The following ACER3 variants were observed in gnomAD, a reference collection of about 807,000 sequenced individuals.
The protein encoded by ACER3 is alkaline ceramidase 3.
ACER3 carries 16 observed loss-of-function variants against 48.9 expected under a neutral mutation model. The ratio of observed to expected loss-of-function variants is 0.33; its 90% confidence interval spans 0.22 to 0.50. The LOEUF (loss-of-function observed/expected upper bound fraction) is 0.50. ACER3 is among the 20% of genes least tolerant of loss of function. ACER3 has a pLI of 0.98. For missense variants in ACER3, 227 were observed against 326.0 expected (o/e 0.70, Z 2.34); for synonymous variants, 109 against 107.8 (o/e 1.01, Z -0.07).
chr11:77,020,588 T>C lies in ACER3; in HGVS notation c.*261T>C. On this transcript the variant is annotated 3_prime_UTR_variant, in exon 11 of 11. Transcript: ENST00000532485. ...AACAGAGATGATGTGTGTGTATGCC[T>C]CAAATGCAGAAACAGTTGGGCTTTT... 2.5e-6 allele frequency: 1 copy of C among 403,192 alleles called. No homozygotes were observed. The allele number at this position is 403,192 out of a possible 1,614,324, so 25.0% of individuals were successfully genotyped here. A position where few individuals can be genotyped will look rare whatever the true frequency, so the allele number is the denominator to read the frequency against.
chr11:76,893,274 G>A, intron 1 of ACER3, among the ~76,000 whole-genome samples: 1 of 152,160 alleles, frequency 6.6e-6, no homozygotes, highest in Middle Eastern at 3.2e-3. Flanking sequence ...GAAGGCTGAA[G>A]CAGGAGGATC....
chr11:77,013,941 T>A (rs138836085), intron 7 of ACER3, among the ~76,000 whole-genome samples: 136 of 152,232 alleles, frequency 8.9e-4, no homozygotes, highest in African/African-American at 3.0e-3. Context: ...AAGAATTATG[T>A]CAAATGAAAG....
chr11:76,940,361 G>A (rs1413735981), intron 2 of ACER3, among the ~76,000 whole-genome samples: 5 of 152,130 alleles, frequency 3.3e-5, no homozygotes, highest in African/African-American at 4.8e-5. Flanking sequence ...AGGTTGTATA[G>A]GAGTTCATTG....
intron 1 of ACER3, among the ~76,000 whole-genome samples, chr11:76,893,356 C>T (rs553178230): frequency 7.2e-5 from 11 of 152,168 alleles, no homozygotes; most frequent in African/African-American, 2.7e-4. Flanking sequence ...GGTGACCAAG[C>T]AAGACCCCAT....
At chr11:77,017,513 A>AAAAGAC (rs1204163366) in intron 9 of ACER3, among the ~76,000 whole-genome samples, 3 of 152,246 alleles carry the variant, frequency 2.0e-5, no homozygotes, top group African/African-American at 7.2e-5. Context: ...TTCATGGATT[A>AAAAGAC]AAAGACAAAG....
intron 1 of ACER3, among the ~76,000 whole-genome samples, chr11:76,924,973 C>A (rs867683720): frequency 2.7e-3 from 209 of 78,572 alleles, no homozygotes; most frequent in East Asian, 3.7e-3. Context: ...AAGACTCTGT[C>A]AAAAAAAAAA....
rs1949502822 is a variant in ACER3 at position 77,023,526 on chromosome 11, G to C, written c.*3199G>C. 4.3e-6 allele frequency: 1 copy of C among 232,780 alleles called. No individual in the cohort carries two copies. Among genetic ancestry groups the C allele is most frequent in the Non-Finnish European group, 8.2e-6 (1 of 121,916 alleles). The allele number at this position is 232,780 out of a possible 1,614,324, so 14.4% of individuals were successfully genotyped here. On this transcript the variant is annotated 3_prime_UTR_variant, in exon 11 of 11. Transcript: ENST00000532485. ...TATTTGTTGCTAAATTTGAGTTTTA[G>C]CTACCAACGCCATGTTTACGTGACA... is the stretch of plus-strand genomic sequence containing the variant.
intron 7 of ACER3, among the ~76,000 whole-genome samples, chr11:77,000,584 T>G (rs1301301189): frequency 6.6e-6 from 1 of 152,242 alleles, no homozygotes; most frequent in African/African-American, 2.4e-5. Flanking sequence ...CAGTTCATTT[T>G]GTATAAGGTG....
intron 3 of ACER3, among the ~76,000 whole-genome samples, chr11:76,968,894 A>C (rs570664593): frequency 1.3e-5 from 2 of 152,360 alleles, no homozygotes; most frequent in Admixed American, 6.5e-5. Flanking sequence ...CAAGGACTTC[A>C]TGTCTAAAAC....
intron 1 of ACER3, among the ~76,000 whole-genome samples, chr11:76,910,656 A>G (rs1463966215): frequency 1.3e-5 from 2 of 152,238 alleles, no homozygotes; most frequent in African/African-American, 4.8e-5. Flanking sequence ...AAACATATAA[A>G]TAGTTTAGTA....
intron 1 of ACER3, among the ~76,000 whole-genome samples, chr11:76,908,337 G>T (rs1016356908): frequency 2.0e-5 from 3 of 152,128 alleles, no homozygotes; most frequent in African/African-American, 4.8e-5. Context: ...TAATATGATT[G>T]TATATTAGAA....
intron 1 of ACER3, among the ~76,000 whole-genome samples, chr11:76,866,704 T>A (rs1423836533): frequency 1.3e-5 from 2 of 152,238 alleles, no homozygotes; most frequent in African/African-American, 4.8e-5. Flanking sequence ...TAGATGTTGT[T>A]ACCCCATTGT....
chr11:76,948,292 A>G (rs1376886436), intron 2 of ACER3, among the ~76,000 whole-genome samples: 1 of 150,772 alleles, frequency 6.6e-6, no homozygotes, highest in African/African-American at 2.4e-5. Context: ...TAATAAGGTT[A>G]CATACTAGTT....
At chr11:76,872,905 CT>C (rs756362938) in intron 1 of ACER3, among the ~76,000 whole-genome samples, 29 of 94,574 alleles carry the variant, frequency 3.1e-4, no homozygotes, top group Non-Finnish European at 4.4e-4. Flanking sequence ...TTTCTTTTTT[CT>C]TTTTCTTTTT....
chr11:76,868,029 A>T, intron 1 of ACER3: 1 of 1,078,228 alleles, frequency 9.3e-7, no homozygotes, highest in Non-Finnish European at 1.2e-6. Flanking sequence ...AAGGGGCTTT[A>T]ATCAGCTATC....
Position 76,926,642 on chromosome 11 carries a change from C to T in ACER3, c.189C>T (p.Tyr63=). Residue 63 remains tyrosine (Y), a synonymous_variant, in exon 2 of 11, where the codon TAC becomes TAT. Transcript: ENST00000532485. ...QSVRDGLEKR[Y]IASYLALTVV... ...TTAGAGACGGTCTGGAAAAGCGGTA[C>T]ATTGCTTCTTATTTAGCACTCACAG... The T allele has an allele frequency of 6.3e-7, 1 of 1,596,226 alleles. No individual in the cohort carries two copies.
At chr11:76,899,977 T>C (rs1405032269) in intron 1 of ACER3, among the ~76,000 whole-genome samples, 1 of 152,252 alleles carries the variant, frequency 6.6e-6, no homozygotes, top group Non-Finnish European at 1.5e-5. Flanking sequence ...ATTTTGTGCA[T>C]GTATTATATA....
intron 2 of ACER3, 113 bp downstream of exon 2, chr11:76,926,780 C>A: frequency 1.6e-6 from 1 of 636,014 alleles, no homozygotes; most frequent in Non-Finnish European, 2.6e-6. Flanking sequence ...TGAATATATT[C>A]TGAAACTTCT....
chr11:76,902,280 T>A (rs2511101), intron 1 of ACER3, among the ~76,000 whole-genome samples: 1 of 152,218 alleles, frequency 6.6e-6, no homozygotes, highest in Non-Finnish European at 1.5e-5. Flanking sequence ...ACCTTTCTTT[T>A]GCTTTAAGTC....
Sources: allele counts gnomAD v4.1 joint callset (sites outside exome capture counted in the v4.1 genomes callset), GRCh38; gene constraint gnomAD v4.1.1; transcripts MANE v1.5; gene names NCBI Gene and HGNC (gene_info 2026-07-23, HGNC 2026-07-21).